Variants in GRID2 observed in about 807,000 individuals in gnomAD.
The protein encoded by GRID2 is glutamate ionotropic receptor delta type subunit 2, also known as glutamate receptor ionotropic, delta-2.
In GRID2, 33 loss-of-function variants were observed where a neutral mutation model predicts 114.8. The observed-to-expected ratio is 0.29, with a 90% CI of 0.22 to 0.38. The LOEUF is 0.38. Ranked by LOEUF, GRID2 falls within the 10% of genes least tolerant of loss-of-function variation. GRID2 has a pLI of 1.00. For missense variants in GRID2, 1,184 were observed against 1,257.7 expected (o/e 0.94, Z 0.89); for synonymous variants, 505 against 449.9 (o/e 1.12, Z -1.55).
intron 14 of GRID2, among the ~76,000 whole-genome samples, chr4:93,650,703 C>A (rs748938679): frequency 5.3e-5 from 8 of 152,008 alleles, no homozygotes; most frequent in Non-Finnish European, 1.2e-4. Flanking sequence ...ATGCTACGTC[C>A]TAGTTTAAAT....
chr4:93,168,046 C>T (rs760528098), intron 4 of GRID2, among the ~76,000 whole-genome samples: 41 of 151,862 alleles, frequency 2.7e-4, no homozygotes, highest in Non-Finnish European at 4.9e-4. Context: ...AAATATAAAA[C>T]TTAGCGAGGT....
At chr4:92,442,340 G>C (rs182806935) in intron 1 of GRID2, among the ~76,000 whole-genome samples, 1 of 151,990 alleles carries the variant, frequency 6.6e-6, no homozygotes, top group Non-Finnish European at 1.5e-5. Context: ...TTTCAGTGGG[G>C]TCCTACACAG....
At chr4:92,525,624 C>T (rs1725004891) in intron 1 of GRID2, among the ~76,000 whole-genome samples, 2 of 152,110 alleles carry the variant, frequency 1.3e-5, no homozygotes, top group Non-Finnish European at 2.9e-5. Flanking sequence ...AAGCCTCCCT[C>T]TACCTCCTGA....
At chr4:93,725,863 A>T (rs1261192231) in intron 14 of GRID2, among the ~76,000 whole-genome samples, 1 of 151,920 alleles carries the variant, frequency 6.6e-6, no homozygotes, top group Non-Finnish European at 1.5e-5. Context: ...GTTTGAGTTC[A>T]TTGTAGATTC....
intron 2 of GRID2, among the ~76,000 whole-genome samples, chr4:93,030,293 G>T (rs1276694241): frequency 6.6e-6 from 1 of 151,256 alleles, no homozygotes; most frequent in Non-Finnish European, 1.5e-5. Flanking sequence ...TCCTAAAAGT[G>T]TTTCTTTTCT....
At chr4:92,675,533 GTC>G (rs1340707141) in intron 2 of GRID2, among the ~76,000 whole-genome samples, 2 of 150,508 alleles carry the variant, frequency 1.3e-5, no homozygotes, top group Non-Finnish European at 3.0e-5. Flanking sequence ...AGAAACACCA[GTC>G]TCTGTTTGGG....
chr4:92,421,104 G>T (rs748847836), intron 1 of GRID2, among the ~76,000 whole-genome samples: 11 of 151,876 alleles, frequency 7.2e-5, no homozygotes, highest in Non-Finnish European at 1.5e-4. Flanking sequence ...CATATGGCTA[G>T]TTTCCAAATG....
exon 2 of GRID2, chr4:93,810,037 G>C (rs1280155784): frequency 1.3e-5 from 2 of 152,226 alleles, no homozygotes; most frequent in Non-Finnish European, 2.9e-5. Flanking sequence ...GGTCATGGTA[G>C]CTGAGAAAGG....
At chr4:92,879,644 A>G (rs1042724764) in intron 2 of GRID2, among the ~76,000 whole-genome samples, 1 of 152,252 alleles carries the variant, frequency 6.6e-6, no homozygotes, top group African/African-American at 2.4e-5. Context: ...ACTATTTAAA[A>G]CAAAGAGACT....
intron 1 of GRID2, among the ~76,000 whole-genome samples, chr4:92,563,242 G>A (rs1344305743): frequency 6.6e-6 from 1 of 152,124 alleles, no homozygotes; most frequent in Admixed American, 6.6e-5. Flanking sequence ...AGAAAGTTTG[G>A]AAAGTGAGAA....
chr4:92,591,809 A>G (rs1560477143), intron 2 of GRID2, among the ~76,000 whole-genome samples: 1 of 152,094 alleles, frequency 6.6e-6, no homozygotes, highest in Non-Finnish European at 1.5e-5. Flanking sequence ...TTTGAAATGA[A>G]TAGAACTGTT....
chr4:93,029,163 T>C (rs900263764), intron 2 of GRID2, among the ~76,000 whole-genome samples: 1 of 152,154 alleles, frequency 6.6e-6, no homozygotes, highest in Admixed American at 6.5e-5. Flanking sequence ...AGGAAGTCCC[T>C]ATTCAAGGGT....
chr4:93,725,892 C>G (rs1729834046), intron 14 of GRID2, among the ~76,000 whole-genome samples: 1 of 152,010 alleles, frequency 6.6e-6, no homozygotes, highest in South Asian at 2.1e-4. Flanking sequence ...AGCCCTTTGT[C>G]AGATGATTAG....
chr4:93,284,717 A>G (rs544339849), intron 8 of GRID2, among the ~76,000 whole-genome samples: 132 of 151,966 alleles, frequency 8.7e-4, no homozygotes, highest in Non-Finnish European at 1.7e-3. Context: ...TGGTGACAGA[A>G]TGTATACATT....
At position 93,265,773 on chromosome 4, in the gene GRID2, C is replaced by A. The variant is rs143282576; in HGVS notation, c.1245+27283C>A. On this transcript the variant is annotated intron_variant, in intron 8 of 15. Transcript: ENST00000282020. ...ACTGAAGGAATAAAGGTTTACAAAG[C>A]GAAAATCTTAAGGAGCACCCCTTCC... Among the ~76,000 whole-genome samples the A allele has an allele frequency of 2.2e-4, 33 of 152,168 alleles. No individual in the cohort carries two copies. The South Asian group carries it at 6.6e-3, about 31-fold the overall frequency.
intron 1 of GRID2, among the ~76,000 whole-genome samples, chr4:92,500,838 C>G (rs1723647941): frequency 6.6e-6 from 1 of 152,064 alleles, no homozygotes; most frequent in East Asian, 1.9e-4. Context: ...ACCACTAGGT[C>G]TTTTGGGTGA....
chr4:92,725,064 G>A (rs1433761142), intron 2 of GRID2, among the ~76,000 whole-genome samples: 1 of 152,092 alleles, frequency 6.6e-6, no homozygotes, highest in South Asian at 2.1e-4. Flanking sequence ...ATTTTAGGAG[G>A]CCGAGAGGGG....
chr4:93,791,786 G>A (rs1165005142), intron 1 of GRID2, among the ~76,000 whole-genome samples: 1 of 152,076 alleles, frequency 6.6e-6, no homozygotes. Context: ...AGAGCCAGAT[G>A]GTGGCGCTGT....
intron 2 of GRID2, among the ~76,000 whole-genome samples, chr4:92,668,802 A>T (rs907442602): frequency 2.0e-5 from 3 of 151,870 alleles, no homozygotes; most frequent in Non-Finnish European, 4.4e-5. Flanking sequence ...CTGCTTACTT[A>T]TGCATAAATA....
Sources: allele counts gnomAD v4.1 joint callset (sites outside exome capture counted in the v4.1 genomes callset), GRCh38; gene constraint gnomAD v4.1.1; transcripts MANE v1.5; gene names NCBI Gene and HGNC (gene_info 2026-07-23, HGNC 2026-07-21).